DLGAP2: variants seen among roughly 807,000 people sequenced by gnomAD.
The protein encoded by DLGAP2 is disks large-associated protein 2.
DLGAP2 carries 26 observed loss-of-function variants against 100.3 expected under a neutral mutation model. The ratio of observed to expected loss-of-function variants is 0.26; its 90% CI spans 0.19 to 0.36. The LOEUF (loss-of-function observed/expected upper bound fraction) is 0.36, where lower values mean the gene tolerates loss of function less well. Among genes scored for constraint, DLGAP2 ranks in the 10% least tolerant of loss-of-function variants. The pLI is 1.00. For missense variants in DLGAP2, 1,858 were observed against 1,453.2 expected (o/e 1.28, Z -4.53); for synonymous variants, 886 against 630.1 (o/e 1.41, Z -6.08).
chr8:1,346,169 G>A (rs1369352779), intron 3 of DLGAP2, among the ~76,000 whole-genome samples: 2 of 152,202 alleles, frequency 1.3e-5, no homozygotes, highest in East Asian at 3.8e-4. Context: ...GTAACTGTGT[G>A]GAGTTTGAGT....
intron 1 of DLGAP2, among the ~76,000 whole-genome samples, chr8:780,672 G>T (rs556743324): frequency 1.3e-5 from 2 of 152,190 alleles, no homozygotes; most frequent in South Asian, 2.1e-4. Context: ...GTCACATGCT[G>T]GTTAGCTCAG....
intron 1 of DLGAP2, among the ~76,000 whole-genome samples, chr8:809,985 T>C (rs891989730): frequency 6.6e-6 from 1 of 152,210 alleles, no homozygotes; most frequent in Non-Finnish European, 1.5e-5. Flanking sequence ...GGCCCTCAGC[T>C]CTGGGACTAA....
intron 1 of DLGAP2, among the ~76,000 whole-genome samples, chr8:823,139 C>T (rs371050282): frequency 1.0e-3 from 155 of 152,178 alleles, no homozygotes; most frequent in Middle Eastern, 6.8e-3. Context: ...CAGCTTCACA[C>T]GTTCTGGCTC....
rs570276916 is a variant in DLGAP2 at position 1,317,557 on chromosome 8, G to A, written c.106+58674G>A. ...CGAGTGCAGCGTGTCTCCAACAGTGGTCTACACTCGAGACACTCGGCAGCG... is the reference window on the plus strand; with the variant it reads ...CGAGTGCAGCGTGTCTCCAACAGTGATCTACACTCGAGACACTCGGCAGCG... On this transcript the variant is annotated intron_variant, in intron 3 of 14. Transcript: ENST00000637795. Among the ~76,000 whole-genome samples, 338 of 137,232 alleles carry A rather than the reference G, an allele frequency of 2.5e-3. 8 individuals are homozygous for A. Among genetic ancestry groups the A allele is most frequent in the African/African-American group, 8.3e-3 (278 of 33,522 alleles). The allele number at this position is 137,232 out of a possible 152,430, so 90.0% of individuals were successfully genotyped here.
At chr8:1,569,598 A>G (rs1416361706) in intron 6 of DLGAP2, among the ~76,000 whole-genome samples, 1 of 152,226 alleles carries the variant, frequency 6.6e-6, no homozygotes, top group Non-Finnish European at 1.5e-5. Flanking sequence ...ATGGATTCCA[A>G]CGTAATTCAT....
intron 8 of DLGAP2, among the ~76,000 whole-genome samples, chr8:1,649,690 C>G (rs114774121): frequency 6.6e-6 from 1 of 152,052 alleles, no homozygotes; most frequent in Admixed American, 6.5e-5. Flanking sequence ...GAAAAATACT[C>G]CTTTCTAAAA....
At chr8:1,554,350 G>C (rs948696030) in intron 5 of DLGAP2, among the ~76,000 whole-genome samples, 1 of 152,170 alleles carries the variant, frequency 6.6e-6, no homozygotes, top group Admixed American at 6.5e-5. Context: ...TGGAATGCAC[G>C]ATGCTGGCCA....
In DLGAP2 at chr8:1,697,225, G is replaced by A. The variant is rs760733915; in HGVS notation, c.2875G>A (p.Val959Ile). ...WDMLQLSIED[V>I]SMKFDELQRL... ...CATGCTGCAGCTCTCCATTGAGGACGTCAGCATGAAGTTCGACGAGCTGCA... is the reference window on the plus strand; with the variant it reads ...CATGCTGCAGCTCTCCATTGAGGACATCAGCATGAAGTTCGACGAGCTGCA... The change falls in exon 14 of 15, where the codon GTC becomes ATC. Residue 959 changes from valine (V) to isoleucine (I), a missense_variant. Coordinates refer to ENST00000637795, the MANE Select transcript of DLGAP2 (RefSeq NM_001346810.2). The A allele has an allele frequency of 5.6e-6, 9 of 1,611,932 alleles. No homozygotes were observed. Among genetic ancestry groups the A allele is most frequent in the Admixed American group, 1.7e-5 (1 of 59,854 alleles).
In DLGAP2 at chr8:1,678,244, C is replaced by T; in HGVS notation, c.2319C>T (p.Val773=). 4 of 1,613,656 alleles carry T rather than the reference C, an allele frequency of 2.5e-6. No homozygotes were observed. Among genetic ancestry groups the T allele is most frequent in the Non-Finnish European group, 3.4e-6 (4 of 1,179,694 alleles). Residue 773 remains valine (V), a synonymous_variant, in exon 12 of 15, where the codon GTC becomes GTT. Transcript: ENST00000637795. ...GACGTTTTAAACGTTCTAACAGCGTCACGGCCGCCGTCCAAGCTGACCTGG... is the reference window on the plus strand; with the variant it reads ...GACGTTTTAAACGTTCTAACAGCGTTACGGCCGCCGTCCAAGCTGACCTGG... ...RHGRFKRSNS[V]TAAVQADLEL...
chr8:1,130,871 A>G (rs1276826811), intron 2 of DLGAP2, among the ~76,000 whole-genome samples: 1 of 138,300 alleles, frequency 7.2e-6, no homozygotes, highest in Non-Finnish European at 1.6e-5. Flanking sequence ...CTCTCTTCAT[A>G]GCATGACCCC....
chr8:1,541,553 G>C (rs1801361174), intron 4 of DLGAP2, among the ~76,000 whole-genome samples: 1 of 152,100 alleles, frequency 6.6e-6, no homozygotes, highest in Admixed American at 6.6e-5. Flanking sequence ...TTGAACTATG[G>C]AAAAATAAAG....
At chr8:1,420,581 G>T (rs1044142870) in intron 3 of DLGAP2, among the ~76,000 whole-genome samples, 1 of 152,142 alleles carries the variant, frequency 6.6e-6, no homozygotes, top group Non-Finnish European at 1.5e-5. Context: ...TTAAAAATAT[G>T]ATCTTCTATG....
chr8:814,745 C>A (rs190494784), intron 1 of DLGAP2, among the ~76,000 whole-genome samples: 16 of 143,246 alleles, frequency 1.1e-4, no homozygotes, highest in Admixed American at 1.0e-3. Flanking sequence ...CCCAGCTACT[C>A]GGGAGGCTGA....
intron 7 of DLGAP2, among the ~76,000 whole-genome samples, chr8:1,627,436 G>A (rs1315246872): frequency 2.0e-5 from 3 of 152,228 alleles, no homozygotes; most frequent in Non-Finnish European, 4.4e-5. Flanking sequence ...TGAGACACGG[G>A]GGCTGTGAAA....
chr8:1,201,399 C>G (rs1797870898), intron 2 of DLGAP2, among the ~76,000 whole-genome samples: 2 of 152,166 alleles, frequency 1.3e-5, no homozygotes, highest in South Asian at 4.1e-4. Flanking sequence ...GGACGGCCTT[C>G]TGTTCCCTGC....
intron 2 of DLGAP2, among the ~76,000 whole-genome samples, chr8:1,253,674 C>T (rs1185664800): frequency 2.6e-5 from 4 of 152,230 alleles, no homozygotes; most frequent in South Asian, 2.1e-4. Flanking sequence ...TTCAGGTTCA[C>T]GTACACAAAA....
chr8:900,108 C>T (rs1426112642), intron 1 of DLGAP2, among the ~76,000 whole-genome samples: 1 of 152,136 alleles, frequency 6.6e-6, no homozygotes, highest in Non-Finnish European at 1.5e-5. Flanking sequence ...GGTGGGCGGC[C>T]TCCTCTTCAC....
At chr8:1,535,579 G>C (rs1341847229) in intron 4 of DLGAP2, among the ~76,000 whole-genome samples, 1 of 152,236 alleles carries the variant, frequency 6.6e-6, no homozygotes, top group Non-Finnish European at 1.5e-5. Flanking sequence ...TGCATTGTTG[G>C]TAAGATGTGT....
intron 2 of DLGAP2, among the ~76,000 whole-genome samples, chr8:1,149,634 A>T (rs1309414457): frequency 2.0e-5 from 3 of 152,142 alleles, no homozygotes; most frequent in Non-Finnish European, 4.4e-5. Flanking sequence ...TTCTATTTTC[A>T]TCTGGTCAGA....
Sources: allele counts gnomAD v4.1 joint callset (sites outside exome capture counted in the v4.1 genomes callset), GRCh38; gene constraint gnomAD v4.1.1; transcripts MANE v1.5; gene names NCBI Gene and HGNC (gene_info 2026-07-23, HGNC 2026-07-21).